PPP4R3B: variants seen among roughly 807,000 people sequenced by gnomAD.
PPP4R3B encodes the protein protein phosphatase 4 regulatory subunit 3B, also known as serine/threonine-protein phosphatase 4 regulatory subunit 3B.
A neutral mutation model predicts 95.4 loss-of-function variants in PPP4R3B; 52 were observed. That is an observed-to-expected ratio of 0.54 (90% CI 0.44 to 0.69). The LOEUF is 0.69. Among genes scored for constraint, PPP4R3B ranks in the 30% least tolerant of loss-of-function variants. PPP4R3B has a pLI of 0.00. For missense variants in PPP4R3B, 1,003 were observed against 1,005.9 expected (o/e 1.00, Z 0.04); for synonymous variants, 407 against 343.9 (o/e 1.18, Z -2.03).
intron 7 of PPP4R3B, 74 bp downstream of exon 7, chr2:55,584,977 T>G: frequency 1.8e-6 from 2 of 1,101,488 alleles, no homozygotes; most frequent in Non-Finnish European, 2.6e-6. Flanking sequence ...TATGTTATGT[T>G]TTTTCTCTCA....
intron 2 of PPP4R3B, chr2:55,614,896 CA>C (rs1694684862): frequency 6.6e-6 from 1 of 152,158 alleles, no homozygotes; most frequent in African/African-American, 2.4e-5. Context: ...TGCTAAAATA[CA>C]ATACACATTT....
At chr2:55,604,556 A>G (rs1313288588) in intron 2 of PPP4R3B, among the ~76,000 whole-genome samples, 1 of 151,608 alleles carries the variant, frequency 6.6e-6, no homozygotes, top group Non-Finnish European at 1.5e-5. Context: ...AGACTTCAGG[A>G]TCTTAAGAAA....
rs561997032 is a variant in PPP4R3B, at chr2:55,599,433, G to A, written c.298-394C>T. Among the ~76,000 whole-genome samples, 5 of 152,102 alleles carry A rather than the reference G, an allele frequency of 3.3e-5. No individual in the cohort carries two copies. In the East Asian group the frequency reaches 9.7e-4, roughly 29 times the overall value. On this transcript the variant is annotated intron_variant, in intron 3 of 16. Transcript: ENST00000616407. ...AGCCTGGAAGACAAAGCAAGACTCTGTCTCAAAAAATAAAATAAAAAATTA... is the reference window on the plus strand; with the variant it reads ...AGCCTGGAAGACAAAGCAAGACTCTATCTCAAAAAATAAAATAAAAAATTA...
At chr2:55,589,385 G>A (rs1297937310) in intron 4 of PPP4R3B, among the ~76,000 whole-genome samples, 1 of 152,132 alleles carries the variant, frequency 6.6e-6, no homozygotes, top group Non-Finnish European at 1.5e-5. Flanking sequence ...AACAGTAAAG[G>A]AGGCTGAATT....
intron 15 of PPP4R3B, among the ~76,000 whole-genome samples, chr2:55,563,987 T>C (rs999535691): frequency 3.3e-5 from 5 of 151,886 alleles, no homozygotes; most frequent in African/African-American, 1.2e-4. Context: ...TCTATGAAGC[T>C]ATATGGTCTC....
chr2:55,591,685 G>A (rs1350563059), intron 4 of PPP4R3B: 1 of 981,778 alleles, frequency 1.0e-6, no homozygotes, highest in African/African-American at 1.8e-5. Flanking sequence ...CTTGTGAGCT[G>A]ATAAGTAGAA....
chr2:55,567,513 G>C (rs536452117), intron 13 of PPP4R3B, among the ~76,000 whole-genome samples: 1 of 152,156 alleles, frequency 6.6e-6, no homozygotes, highest in African/African-American at 2.4e-5. Context: ...CCTCCTGGAT[G>C]CAAGTGGTTC....
rs987778241 is a variant in PPP4R3B at position 55,560,927 on chromosome 2, C to T, written c.2261-1959G>A. Among the ~76,000 whole-genome samples, 7 of 152,186 alleles carry T rather than the reference C, an allele frequency of 4.6e-5. No individual in the cohort carries two copies. In the East Asian group the frequency reaches 9.6e-4, roughly 21 times the overall value. On this transcript the variant is annotated intron_variant, in intron 15 of 16. Transcript: ENST00000616407. Reference sequence around the variant, plus strand: ...AGCATAAAGTTTGGAAAACTTGCAGCCTGACCATGCAGTAGAAAAGAAAAC... The same window carrying T: ...AGCATAAAGTTTGGAAAACTTGCAGTCTGACCATGCAGTAGAAAAGAAAAC...
At chr2:55,571,550 A>G (rs1687995025) in intron 12 of PPP4R3B, among the ~76,000 whole-genome samples, 1 of 152,338 alleles carries the variant, frequency 6.6e-6, no homozygotes, top group Middle Eastern at 3.4e-3. Context: ...ACAAAAGTGA[A>G]GGGGTCTCAG....
chr2:55,548,710 A>C lies in PPP4R3B; in HGVS notation c.*1201T>G, dbSNP rs1684949110. The C allele has an allele frequency of 6.6e-6, 1 of 152,604 alleles. No homozygotes were observed. Among genetic ancestry groups the C allele is most frequent in the African/African-American group, 2.4e-5 (1 of 41,442 alleles). 9.5% of individuals were successfully genotyped at this position (152,604 alleles called of 1,614,324 possible). On this transcript the variant is annotated 3_prime_UTR_variant, in exon 17 of 17. Coordinates refer to ENST00000616407, the MANE Select transcript of PPP4R3B (RefSeq NM_001122964.3). ...AAAGTTTTTTTTTCCCAATGCATTA[A>C]ATTGTATTTTGGGGAGATTTTTCTC...
chr2:55,604,431 T>A (rs1372381484), intron 2 of PPP4R3B, among the ~76,000 whole-genome samples: 2 of 152,220 alleles, frequency 1.3e-5, no homozygotes, highest in African/African-American at 4.8e-5. Context: ...GCTGTCCCAT[T>A]CACTAACCAC....
intron 7 of PPP4R3B, among the ~76,000 whole-genome samples, chr2:55,584,422 T>C (rs536344119): frequency 6.6e-6 from 1 of 152,314 alleles, no homozygotes; most frequent in Admixed American, 6.5e-5. Flanking sequence ...GCTGGTGATT[T>C]GTGAGATTTT....
At chr2:55,612,333 C>T (rs373846945) in intron 2 of PPP4R3B, among the ~76,000 whole-genome samples, 37 of 152,284 alleles carry the variant, frequency 2.4e-4, no homozygotes, top group African/African-American at 8.4e-4. Context: ...ATTGAATAAC[C>T]TAAATGATGC....
At chr2:55,557,086 A>G (rs1355963104) in intron 16 of PPP4R3B, among the ~76,000 whole-genome samples, 2 of 146,986 alleles carry the variant, frequency 1.4e-5, no homozygotes, top group African/African-American at 5.1e-5. Flanking sequence ...ACGACGACGA[A>G]GCAGGAAGGC....
intron 4 of PPP4R3B, among the ~76,000 whole-genome samples, chr2:55,598,202 A>G (rs1020899847): frequency 1.4e-4 from 21 of 152,252 alleles, no homozygotes; most frequent in Non-Finnish European, 1.3e-4. Context: ...CCTGGGCGAC[A>G]GAACGAGACT....
chr2:55,596,208 A>G (rs1048510556), intron 4 of PPP4R3B, among the ~76,000 whole-genome samples: 6 of 152,208 alleles, frequency 3.9e-5, no homozygotes, highest in African/African-American at 1.4e-4. Context: ...GACTCATTTA[A>G]TTTTACATAA....
chr2:55,569,447 G>T (rs1270192692), intron 12 of PPP4R3B, among the ~76,000 whole-genome samples: 1 of 152,204 alleles, frequency 6.6e-6, no homozygotes, highest in Non-Finnish European at 1.5e-5. Context: ...TGCTTCAGGG[G>T]TCACGCTCCT....
intron 4 of PPP4R3B, among the ~76,000 whole-genome samples, chr2:55,596,074 C>T (rs1691735220): frequency 6.6e-6 from 1 of 151,990 alleles, no homozygotes; most frequent in Non-Finnish European, 1.5e-5. Flanking sequence ...ATAAAATCAC[C>T]TTCATATAGC....
At chr2:55,588,546 T>G (rs1262804058) in intron 5 of PPP4R3B, among the ~76,000 whole-genome samples, 1 of 149,962 alleles carries the variant, frequency 6.7e-6, no homozygotes, top group African/African-American at 2.4e-5. Context: ...AAGAAAAGCA[T>G]GGCTATAATG....
Sources: allele counts gnomAD v4.1 joint callset (sites outside exome capture counted in the v4.1 genomes callset), GRCh38; gene constraint gnomAD v4.1.1; transcripts MANE v1.5; gene names NCBI Gene and HGNC (gene_info 2026-07-23, HGNC 2026-07-21).